ALOXE3: variants seen among roughly 807,000 people sequenced by gnomAD.
The protein encoded by ALOXE3 is arachidonate epidermal lipoxygenase 3.
Under a neutral mutation model 87.5 loss-of-function variants are expected in ALOXE3, and 78 were observed. That is an observed-to-expected ratio of 0.89 (90% CI 0.74 to 1.08). ALOXE3 has a LOEUF of 1.08. ALOXE3 is among the 50% of genes least tolerant of loss of function. The pLI, the probability that ALOXE3 is intolerant of heterozygous loss-of-function variation, is 0.00. For synonymous variants in ALOXE3, 363 were observed against 370.8 expected, an observed-to-expected ratio of 0.98 and a Z score of 0.24; for missense variants, 946 against 912.4, an observed-to-expected ratio of 1.04 and a Z score of -0.47.
rs114372253 is a variant in ALOXE3 at position 8,116,991 on chromosome 17, C to G, written c.148-11G>C. On this transcript the variant is annotated splice_polypyrimidine_tract_variant and intron_variant, in intron 2 of 15. Transcript: ENST00000448843. ...CTTGTACTTCTGTACCTGAGGGGAC[C>G]AAGACAGCAAGCAGGTGAGAGGCGG... is the stretch of plus-strand genomic sequence containing the variant. The G allele has an allele frequency of 1.1e-3, 1,808 of 1,612,006 alleles. 20 individuals are homozygous for G. In the African/African-American group the frequency reaches 0.022, roughly 19 times the overall value.
At chr17:8,103,022 C>G (rs900364109) in intron 15 of ALOXE3, among the ~76,000 whole-genome samples, 2 of 152,218 alleles carry the variant, frequency 1.3e-5, no homozygotes, top group African/African-American at 4.8e-5. Flanking sequence ...GTGCCCAGTG[C>G]TGTGTGGACA....
chr17:8,109,480 G>A (rs772495163), intron 11 of ALOXE3, 137 bp from the exon 12 acceptor site: 541 of 1,199,448 alleles, frequency 4.5e-4, no homozygotes, highest in Non-Finnish European at 5.8e-4. Flanking sequence ...AAATACCCAC[G>A]AGGGCCTGCC....
chr17:8,103,046 C>T (rs972331832), intron 15 of ALOXE3, among the ~76,000 whole-genome samples: 10 of 152,134 alleles, frequency 6.6e-5, no homozygotes, highest in African/African-American at 1.9e-4. Flanking sequence ...AGGAAGTATC[C>T]AACAAATGTT....
Position 8,118,107 on chromosome 17 carries a change from G to C in ALOXE3, c.-117C>G, listed in dbSNP as rs113345247. 620 of 1,552,274 alleles carry C rather than the reference G, an allele frequency of 4.0e-4. No homozygotes were observed. The African/African-American group carries it at 7.4e-3, about 19-fold the overall frequency. ...TCTGGGCGGAGGGCTAGGGGCTGCG[G>C]GGCTGGGTAGGGCTGAGGATGGGCC... is the stretch of plus-strand genomic sequence containing the variant. On this transcript the variant is annotated 5_prime_UTR_variant, in exon 2 of 16. Transcript: ENST00000448843.
At chr17:8,104,715 A>G (rs1979162394) in intron 13 of ALOXE3, among the ~76,000 whole-genome samples, 1 of 152,252 alleles carries the variant, frequency 6.6e-6, no homozygotes, top group Admixed American at 6.5e-5. Context: ...GAGGGCAAGC[A>G]GGGCAGAAAG....
chr17:8,109,164 C>T lies in ALOXE3; in HGVS notation c.1562+10G>A. On this transcript the variant is annotated intron_variant, in intron 12 of 15. Transcript: ENST00000448843. ...TGGTGGGACTGCTGGTCCCGCCCCG[C>T]ACCTCGCACCTCTCAATGGCCGCCC... 6.2e-7 allele frequency: 1 copy of T among 1,612,696 alleles called. No individual in the cohort carries two copies. Among genetic ancestry groups the T allele is most frequent in the Non-Finnish European group, 8.5e-7 (1 of 1,180,024 alleles).
chr17:8,113,777 A>G (rs1980312192), intron 6 of ALOXE3, among the ~76,000 whole-genome samples: 1 of 152,202 alleles, frequency 6.6e-6, no homozygotes, highest in Non-Finnish European at 1.5e-5. Flanking sequence ...CTGTAATCCC[A>G]GCACTTTGGG....
chr17:8,097,367 T>TA (rs1182255059), intron 15 of ALOXE3, among the ~76,000 whole-genome samples: 8 of 152,104 alleles, frequency 5.3e-5, no homozygotes, highest in Non-Finnish European at 1.0e-4. Context: ...ACACCTTTCA[T>TA]ACAACCGAGA....
chr17:8,114,713 C>G, intron 5 of ALOXE3, 104 bp from the exon 6 acceptor site: 1 of 1,556,698 alleles, frequency 6.4e-7, no homozygotes, highest in Non-Finnish European at 8.8e-7. Flanking sequence ...CTGGGTCTCT[C>G]TTACTCCCGG....
chr17:8,106,008 TGCAGAG>T (rs1415840975), intron 13 of ALOXE3, among the ~76,000 whole-genome samples: 1 of 150,532 alleles, frequency 6.6e-6, no homozygotes, highest in Non-Finnish European at 1.5e-5. Context: ...GAGGTGAGGC[TGCAGAG>T]GCATGCAGGG....
At chr17:8,113,465 C>T (rs1437440052) in intron 6 of ALOXE3, among the ~76,000 whole-genome samples, 18 of 151,996 alleles carry the variant, frequency 1.2e-4, no homozygotes, top group Admixed American at 1.2e-3. Flanking sequence ...CCAGCCTGGC[C>T]AACATGGTGA....
rs750242220 is a variant in ALOXE3, at chr17:8,111,356, C to A, written c.957+3G>T. The A allele has an allele frequency of 6.2e-7, 1 of 1,612,874 alleles. No homozygotes were observed. Among genetic ancestry groups the A allele is most frequent in the South Asian group, 1.1e-5 (1 of 91,002 alleles). On this transcript the variant is annotated splice_donor_region_variant and intron_variant, in intron 8 of 15. Coordinates refer to ENST00000448843, the MANE Select transcript of ALOXE3 (RefSeq NM_021628.3). ...CAGGCCCACTGCCCAGATCCTTACC[C>A]ACCTCTAGCTCTGTCTGCAGGCATG...
At chr17:8,118,905 G>A (rs1372873842), upstream of ALOXE3, 2 of 1,471,178 alleles carry the variant, frequency 1.4e-6, no homozygotes, top group Admixed American at 2.5e-5. Context: ...GCGGCCCCGC[G>A]CGGCCGGTTC....
intron 11 of ALOXE3, 74 bp downstream of exon 11, chr17:8,109,842 C>T: frequency 6.9e-7 from 1 of 1,448,600 alleles, no homozygotes; most frequent in East Asian, 2.5e-5. Context: ...GGGCGCAGAA[C>T]AGGGCTTGGG....
At chr17:8,102,227 G>C (rs957062783) in intron 15 of ALOXE3, among the ~76,000 whole-genome samples, 1 of 152,186 alleles carries the variant, frequency 6.6e-6, no homozygotes, top group South Asian at 2.1e-4. Context: ...GTGCGCGGTG[G>C]CTCACACCTG....
At chr17:8,099,611 A>C (rs1243737372) in intron 15 of ALOXE3, among the ~76,000 whole-genome samples, 1 of 151,706 alleles carries the variant, frequency 6.6e-6, no homozygotes, top group Non-Finnish European at 1.5e-5. Flanking sequence ...CACTGAGCCG[A>C]GACCGCGCCA....
At chr17:8,107,660 G>A (rs1439788146) in intron 13 of ALOXE3, among the ~76,000 whole-genome samples, 4 of 151,414 alleles carry the variant, frequency 2.6e-5, no homozygotes, top group Non-Finnish European at 4.4e-5. Context: ...TTAGCTGGGC[G>A]TGGTGGCGGG....
chr17:8,114,897 C>T, intron 5 of ALOXE3, 41 bp downstream of exon 5: 1 of 1,613,524 alleles, frequency 6.2e-7, no homozygotes, highest in Non-Finnish European at 8.5e-7. Context: ...AGACCTTCCA[C>T]TTGACTTCCT....
chr17:8,118,649 C>A, upstream of ALOXE3: 3 of 1,537,162 alleles, frequency 2.0e-6, no homozygotes, highest in Non-Finnish European at 2.6e-6. Context: ...ATACACCGAT[C>A]CCCCCACGCA....
Sources: allele counts gnomAD v4.1 joint callset (sites outside exome capture counted in the v4.1 genomes callset), GRCh38; gene constraint gnomAD v4.1.1; transcripts MANE v1.5; gene names NCBI Gene and HGNC (gene_info 2026-07-23, HGNC 2026-07-21).